Variants in SPECC1 observed in about 807,000 individuals in gnomAD.
SPECC1 encodes the protein sperm antigen with calponin homology and coiled-coil domains 1.
SPECC1 carries 62 observed loss-of-function variants against 104.1 expected under a neutral mutation model. The ratio of observed to expected loss-of-function variants is 0.60; its 90% CI spans 0.49 to 0.74. The LOEUF is 0.74. Ranked by LOEUF, SPECC1 falls within the 30% of genes least tolerant of loss-of-function variation. The probability of loss-of-function intolerance (pLI) is 0.00; values close to 1 mark genes in which losing one functional copy is unlikely to be tolerated. For synonymous variants in SPECC1, 513 were observed against 501.6 expected (o/e 1.02, Z -0.30); for missense variants, 1,306 against 1,310.5 (o/e 1.00, Z 0.05).
chr17:20,086,756 G>C (rs2047194451), intron 1 of SPECC1, among the ~76,000 whole-genome samples: 1 of 152,118 alleles, frequency 6.6e-6, no homozygotes, highest in Admixed American at 6.5e-5. Context: ...TTTTGCGTCT[G>C]TGCTCAGCAG....
intron 3 of SPECC1, among the ~76,000 whole-genome samples, chr17:20,130,691 T>C (rs1021612169): frequency 1.3e-5 from 2 of 152,240 alleles, no homozygotes; most frequent in African/African-American, 4.8e-5. Context: ...CTTCCTACTT[T>C]ATTATTTTCC....
chr17:20,139,433 C>T (rs947911645), intron 3 of SPECC1, among the ~76,000 whole-genome samples: 2 of 152,148 alleles, frequency 1.3e-5, no homozygotes, highest in African/African-American at 2.4e-5. Flanking sequence ...CAGCAGTTAA[C>T]GACAACAAAA....
chr17:20,160,679 C>T (rs913719578), intron 3 of SPECC1, among the ~76,000 whole-genome samples: 1 of 151,994 alleles, frequency 6.6e-6, no homozygotes, highest in Non-Finnish European at 1.5e-5. Flanking sequence ...TATATTCATT[C>T]CTCTACCCAC....
intron 14 of SPECC1, among the ~76,000 whole-genome samples, chr17:20,313,774 G>C (rs887529439): frequency 1.2e-4 from 18 of 152,244 alleles, no homozygotes; most frequent in African/African-American, 3.9e-4. Flanking sequence ...TTTTTGGAAA[G>C]GGACAGTATC....
Position 20,227,634 on chromosome 17 carries a change from G to A in SPECC1, c.2071+14G>A. The stretch of plus-strand genomic sequence containing the variant: ...GTGAGCTAGAAAGTAAGTGGGGTCT[G>A]CCAGGCATGGTGGCTCACACCTATA... On this transcript the variant is annotated intron_variant, in intron 5 of 14. Transcript: ENST00000395527. 6.2e-7 allele frequency: 1 copy of A among 1,609,614 alleles called. No individual in the cohort carries two copies. Among genetic ancestry groups the A allele is most frequent in the Non-Finnish European group, 8.5e-7 (1 of 1,178,316 alleles).
At chr17:20,180,875 C>T (rs185495993) in intron 3 of SPECC1, among the ~76,000 whole-genome samples, 1 of 152,118 alleles carries the variant, frequency 6.6e-6, no homozygotes, top group Admixed American at 6.5e-5. Flanking sequence ...ACATTTTCCC[C>T]TAGGTCTAGG....
At chr17:20,263,159 C>T (rs2040088857) in intron 12 of SPECC1, among the ~76,000 whole-genome samples, 1 of 151,058 alleles carries the variant, frequency 6.6e-6, no homozygotes, top group Non-Finnish European at 1.5e-5. Context: ...GTTACAGCCT[C>T]CCCCAGCCCA....
At chr17:20,201,654 T>A (rs550779738) in intron 3 of SPECC1, among the ~76,000 whole-genome samples, 1 of 152,338 alleles carries the variant, frequency 6.6e-6, no homozygotes, top group South Asian at 2.1e-4. Flanking sequence ...CTGCAATGAC[T>A]TTATTCTAGA....
At chr17:20,051,133 T>TTCC in intron 1 of SPECC1, among the ~76,000 whole-genome samples, 1 of 40,918 alleles carries the variant, frequency 2.4e-5, no homozygotes, top group South Asian at 8.7e-4. Flanking sequence ...TCTTTCTTTC[T>TTCC]TTCTTTCCTT....
intron 3 of SPECC1, among the ~76,000 whole-genome samples, chr17:20,199,939 G>A (rs2107566): frequency 0.71 from 107,719 of 152,066 alleles, 39,957 homozygotes; most frequent in East Asian, 0.99. Flanking sequence ...ACAGGCGTTT[G>A]TGGCACCACC....
rs2040491448 is a variant in SPECC1, at chr17:20,273,910, CTTTCTGTGGT to C, written c.2940+13623_2940+13632del. 2.0e-5 allele frequency among the ~76,000 whole-genome samples: 3 copies of C among 152,052 alleles called. No individual in the cohort carries two copies. The South Asian group carries it at 6.2e-4, about 32-fold the overall frequency. On this transcript the variant is annotated intron_variant, in intron 12 of 14. Coordinates refer to ENST00000395527, the MANE Select transcript of SPECC1 (RefSeq NM_001243439.2). ...GTTAATGCCTTTGGAGGAAAAATTC[CTTTCTGTGGT>C]TTTCTGGGGCTTCACGAGGGGGTGA...
intron 12 of SPECC1, among the ~76,000 whole-genome samples, chr17:20,278,681 G>T (rs2040655038): frequency 6.7e-6 from 1 of 149,374 alleles, no homozygotes; most frequent in African/African-American, 2.5e-5. Context: ...TCCAGCCTGG[G>T]TGACAGAGTG....
intron 1 of SPECC1, among the ~76,000 whole-genome samples, chr17:20,051,047 G>GTTCT (rs1392415812): frequency 3.4e-4 from 49 of 143,062 alleles, no homozygotes; most frequent in Admixed American, 1.8e-3. Context: ...TAAGCACTTG[G>GTTCT]TTCTTTCTTT....
Position 20,175,306 on chromosome 17 carries a change from A to G in SPECC1, c.284-29027A>G, listed in dbSNP as rs149715224. ...GAATTCAGGCAGTTGATCATCATCT[A>G]AGCGTGAATACCATTTTATTAATTT... On this transcript the variant is annotated intron_variant, in intron 3 of 14. Transcript: ENST00000395527. Among the ~76,000 whole-genome samples, 756 of 152,340 alleles carry G rather than the reference A, an allele frequency of 5.0e-3. 3 individuals carry two copies. The highest frequency in any genetic ancestry group is 0.023 in the South Asian group (112 of 4,830).
intron 1 of SPECC1, among the ~76,000 whole-genome samples, chr17:20,041,056 GCTC>G (rs2045305728): frequency 6.6e-6 from 1 of 150,812 alleles, no homozygotes; most frequent in Non-Finnish European, 1.5e-5. Context: ...TCCTCCTGCT[GCTC>G]CTCTTTTTTC....
chr17:20,036,629 G>A (rs932066650), intron 1 of SPECC1, among the ~76,000 whole-genome samples: 1 of 152,114 alleles, frequency 6.6e-6, no homozygotes, highest in Admixed American at 6.5e-5. Flanking sequence ...ACCATGTTGT[G>A]CAATAGGTAT....
Position 20,316,167 on chromosome 17 carries a change from ATT to A in SPECC1, c.*2111_*2112del, listed in dbSNP as rs542238519. The A allele has an allele frequency of 9.3e-6, 2 of 214,714 alleles. No homozygotes were observed. The highest frequency in any genetic ancestry group is 2.3e-5 in the African/African-American group (1 of 43,994). 13.3% of individuals were successfully genotyped at this position (214,714 alleles called of 1,614,324 possible). A position where few individuals can be genotyped will look rare whatever the true frequency, so the allele number is the denominator to read the frequency against. On this transcript the variant is annotated 3_prime_UTR_variant, in exon 15 of 15. Coordinates refer to ENST00000395527, the MANE Select transcript of SPECC1 (RefSeq NM_001243439.2). ...GCTGATTCAGGCACTTGTTTGAAGCATTTTTTTTTTATTAACCCTGTACTTCT... is the reference window on the plus strand; with the variant it reads ...GCTGATTCAGGCACTTGTTTGAAGCATTTTTTTTATTAACCCTGTACTTCT...
intron 12 of SPECC1, among the ~76,000 whole-genome samples, chr17:20,285,684 T>A (rs1339219116): frequency 6.6e-6 from 1 of 152,200 alleles, no homozygotes; most frequent in Non-Finnish European, 1.5e-5. Context: ...ATGTTAGTGT[T>A]CAGAGTGGAC....
At chr17:20,077,797 G>A (rs1737449751) in intron 1 of SPECC1, among the ~76,000 whole-genome samples, 1 of 152,128 alleles carries the variant, frequency 6.6e-6, no homozygotes, top group Admixed American at 6.5e-5. Context: ...GAGAGAATGA[G>A]TTGTGTGGAG....
Sources: allele counts gnomAD v4.1 joint callset (sites outside exome capture counted in the v4.1 genomes callset), GRCh38; gene constraint gnomAD v4.1.1; transcripts MANE v1.5; gene names NCBI Gene and HGNC (gene_info 2026-07-23, HGNC 2026-07-21).